The following DYRK1A variants were observed in gnomAD, a reference collection of about 807,000 sequenced individuals.
The protein encoded by DYRK1A is dual specificity tyrosine-phosphorylation-regulated kinase 1A.
In DYRK1A, 9 loss-of-function variants were observed where a neutral mutation model predicts 79.7. The observed-to-expected ratio is 0.11, with a 90% CI of 0.07 to 0.20. The LOEUF is 0.20. DYRK1A is among the 10% of genes least tolerant of loss of function. The pLI is 1.00. For missense variants in DYRK1A, 622 were observed against 956.0 expected, an observed-to-expected ratio of 0.65 and a Z score of 4.61; for synonymous variants, 349 against 329.7, an observed-to-expected ratio of 1.06 and a Z score of -0.63.
chr21:37,417,554 T>A (rs1308789176), intron 1 of DYRK1A, among the ~76,000 whole-genome samples: 1 of 132,954 alleles, frequency 7.5e-6, no homozygotes, highest in African/African-American at 2.8e-5. Context: ...TTTTTTTTTT[T>A]ACAAATCTTG....
rs115648671 is a variant in DYRK1A, at chr21:37,398,353, A to T, written c.-76-21946A>T. Among the ~76,000 whole-genome samples, 286 of 151,808 alleles carry T rather than the reference A, an allele frequency of 1.9e-3. 1 individual carries two copies. Among genetic ancestry groups the T allele is most frequent in the African/African-American group, 3.4e-3 (139 of 41,448 alleles). The stretch of plus-strand genomic sequence containing the variant: ...TGAGATCCTGTCTCTTAAAAAAAAA[A>T]AAATAAAAGTGCCGTAAAAATTTTT... On this transcript the variant is annotated intron_variant, in intron 1 of 11. Transcript: ENST00000647188.
At chr21:37,469,385 A>G (rs1347678420) in intron 2 of DYRK1A, among the ~76,000 whole-genome samples, 7 of 152,224 alleles carry the variant, frequency 4.6e-5, no homozygotes, top group Admixed American at 4.6e-4. Flanking sequence ...ATTTGTCCAT[A>G]TTGTTGTAAA....
rs1000680529 is a variant in DYRK1A, at chr21:37,520,681, G to C, written c.*8150G>C. On this transcript the variant is annotated 3_prime_UTR_variant, in exon 12 of 12. Coordinates refer to ENST00000647188, the MANE Select transcript of DYRK1A (RefSeq NM_001347721.2). ...GGGATTTAACTGTTCACTTCAGGTA[G>C]ATAAGATATTTCTGGGAGAAGTAAA... 1.3e-5 allele frequency: 2 copies of C among 152,364 alleles called. No homozygotes were observed. Among genetic ancestry groups the C allele is most frequent in the African/African-American group, 4.8e-5 (2 of 41,576 alleles). The allele number at this position is 152,364 out of a possible 1,614,324, so 9.4% of individuals were successfully genotyped here.
intron 2 of DYRK1A, among the ~76,000 whole-genome samples, chr21:37,444,929 T>C (rs905827135): frequency 9.2e-5 from 14 of 152,024 alleles, no homozygotes; most frequent in African/African-American, 2.7e-4. Flanking sequence ...ACCGAACATA[T>C]TTGTAGGAAG....
intron 1 of DYRK1A, among the ~76,000 whole-genome samples, chr21:37,377,020 GGT>G (rs149451808): frequency 1.3e-5 from 2 of 151,868 alleles, no homozygotes; most frequent in African/African-American, 2.4e-5. Context: ...TGCATAGACA[GGT>G]GTGTGTGTGT....
intron 1 of DYRK1A, among the ~76,000 whole-genome samples, chr21:37,400,788 C>T (rs2050038199): frequency 6.6e-6 from 1 of 152,136 alleles, no homozygotes; most frequent in Admixed American, 6.5e-5. Context: ...GTGCAGATTG[C>T]AGAAGAGTAG....
intron 2 of DYRK1A, among the ~76,000 whole-genome samples, chr21:37,439,225 C>G (rs924974467): frequency 6.6e-6 from 1 of 152,142 alleles, no homozygotes; most frequent in Non-Finnish European, 1.5e-5. Context: ...AATCACATTT[C>G]CTATGATGAG....
In DYRK1A at chr21:37,515,501, T is replaced by C. The variant is rs149381939; in HGVS notation, c.*2970T>C. On this transcript the variant is annotated 3_prime_UTR_variant, in exon 12 of 12. Coordinates refer to ENST00000647188, the MANE Select transcript of DYRK1A (RefSeq NM_001347721.2). ...GAGGGTCTGATGGTTTTCTCTGATA[T>C]GCTTTGACGTGCTTGGATGAAGGAA... 9.2e-5 allele frequency: 14 copies of C among 152,342 alleles called. No individual in the cohort carries two copies. The highest frequency in any genetic ancestry group is 1.9e-4 in the African/African-American group (8 of 41,578). 9.4% of individuals were successfully genotyped at this position (152,342 alleles called of 1,614,324 possible). A position where few individuals can be genotyped will look rare whatever the true frequency, so the allele number is the denominator to read the frequency against.
rs565621029 is a variant in DYRK1A, at chr21:37,521,953, G to A, written c.*9422G>A. 2.6e-5 allele frequency: 4 copies of A among 152,330 alleles called. No individual in the cohort carries two copies. Among genetic ancestry groups the A allele is most frequent in the African/African-American group, 9.6e-5 (4 of 41,550 alleles). The allele number at this position is 152,330 out of a possible 1,614,324, so 9.4% of individuals were successfully genotyped here. A position where few individuals can be genotyped will look rare whatever the true frequency, so the allele number is the denominator to read the frequency against. On this transcript the variant is annotated 3_prime_UTR_variant, in exon 12 of 12. Transcript: ENST00000647188. Reference sequence around the variant, plus strand: ...CCGGTAGGCATCTGAAAGAATGGATGGAGGAGGGGAAAGTCGGGCCTGGGA... The same window carrying A: ...CCGGTAGGCATCTGAAAGAATGGATAGAGGAGGGGAAAGTCGGGCCTGGGA...
intron 2 of DYRK1A, among the ~76,000 whole-genome samples, chr21:37,428,333 A>C (rs1038855359): frequency 6.6e-6 from 1 of 152,236 alleles, no homozygotes; most frequent in Non-Finnish European, 1.5e-5. Flanking sequence ...AGATTCTCAA[A>C]TCTATGTGTT....
chr21:37,400,646 T>C (rs200391739), intron 1 of DYRK1A, among the ~76,000 whole-genome samples: 2 of 152,206 alleles, frequency 1.3e-5, no homozygotes, highest in Non-Finnish European at 2.9e-5. Flanking sequence ...ATGGAAGTTA[T>C]TGTTCTTTTA....
intron 1 of DYRK1A, among the ~76,000 whole-genome samples, chr21:37,415,217 C>T (rs946537306): frequency 3.3e-5 from 5 of 152,154 alleles, no homozygotes; most frequent in African/African-American, 1.2e-4. Flanking sequence ...ATTTAATCTG[C>T]TCAGCTTTTA....
In DYRK1A at chr21:37,520,190, C is replaced by T. The variant is rs567314546; in HGVS notation, c.*7659C>T. The T allele has an allele frequency of 3.9e-5, 6 of 152,178 alleles. No individual in the cohort carries two copies. The highest frequency in any genetic ancestry group is 2.0e-4 in the Admixed American group (3 of 15,282). The allele number at this position is 152,178 out of a possible 1,614,324, so 9.4% of individuals were successfully genotyped here. On this transcript the variant is annotated 3_prime_UTR_variant, in exon 12 of 12. Transcript: ENST00000647188. Reference sequence around the variant, plus strand: ...TTTTTGAACAGGCATGGTCATTAGACCCTTGTGATCACGCATCCAGGGGCC... The same window carrying T: ...TTTTTGAACAGGCATGGTCATTAGATCCTTGTGATCACGCATCCAGGGGCC...
chr21:37,438,616 G>C (rs187774457), intron 2 of DYRK1A, among the ~76,000 whole-genome samples: 1 of 152,178 alleles, frequency 6.6e-6, no homozygotes, highest in Admixed American at 6.5e-5. Flanking sequence ...TTGCACCTTT[G>C]TCAAAAATCA....
intron 2 of DYRK1A, among the ~76,000 whole-genome samples, chr21:37,434,561 G>A (rs558436481): frequency 6.6e-5 from 10 of 152,210 alleles, no homozygotes; most frequent in Middle Eastern, 3.4e-3. Flanking sequence ...TTCATTATTA[G>A]ACATTTTGCA....
chr21:37,517,625 G>A lies in DYRK1A; in HGVS notation c.*5094G>A, dbSNP rs2053894275. The A allele has an allele frequency of 6.6e-6, 1 of 152,230 alleles. No individual in the cohort carries two copies. The highest frequency in any genetic ancestry group is 1.5e-5 in the Non-Finnish European group (1 of 68,126). 9.4% of individuals were successfully genotyped at this position (152,230 alleles called of 1,614,324 possible). The stretch of plus-strand genomic sequence containing the variant: ...GTGTGTGTGGTAGTTCTGCACTAGG[G>A]TGGCCAGGAAGCAGCCAAGCAGGTG... On this transcript the variant is annotated 3_prime_UTR_variant, in exon 12 of 12. Transcript: ENST00000647188.
chr21:37,476,822 C>CG (rs1555978530), intron 3 of DYRK1A, among the ~76,000 whole-genome samples: 4 of 33,304 alleles, frequency 1.2e-4, no homozygotes, highest in African/African-American at 3.6e-4. Flanking sequence ...AAGGGTTCCC[C>CG]CCCCCCCCAA....
chr21:37,412,906 A>G (rs1006738636), intron 1 of DYRK1A, among the ~76,000 whole-genome samples: 3 of 152,142 alleles, frequency 2.0e-5, no homozygotes, highest in Non-Finnish European at 4.4e-5. Context: ...AGTGGAGAAG[A>G]GAGTTTGAAG....
Position 37,516,918 on chromosome 21 carries a change from C to G in DYRK1A, c.*4387C>G, listed in dbSNP as rs368751319. On this transcript the variant is annotated 3_prime_UTR_variant, in exon 12 of 12. Transcript: ENST00000647188. Reference sequence around the variant, plus strand: ...AACACAACTAGAATGCTACAGGTCTCTCTTCCAGTATGCAGCTGCTGTACC... The same window carrying G: ...AACACAACTAGAATGCTACAGGTCTGTCTTCCAGTATGCAGCTGCTGTACC... The G allele has an allele frequency of 6.6e-6, 1 of 152,250 alleles. No homozygotes were observed. Among genetic ancestry groups the G allele is most frequent in the Non-Finnish European group, 1.5e-5 (1 of 68,052 alleles). 9.4% of individuals were successfully genotyped at this position (152,250 alleles called of 1,614,324 possible).
Sources: gnomAD v4.1 joint callset for allele counts (sites outside exome capture counted in the v4.1 genomes callset) on GRCh38, gnomAD v4.1.1 for gene constraint, MANE v1.5 for transcripts, NCBI Gene and HGNC (gene_info 2026-07-23, HGNC 2026-07-21) for gene names.